Variants in SERPINI1 observed in about 807,000 individuals in gnomAD.
SERPINI1 encodes neuroserpin.
In SERPINI1, 19 loss-of-function variants were observed where a neutral mutation model predicts 41.1. The ratio of observed to expected loss-of-function variants is 0.46; its 90% CI spans 0.32 to 0.68. The LOEUF (loss-of-function observed/expected upper bound fraction) is 0.68, where lower values mean the gene tolerates loss of function less well. Among genes scored for constraint, SERPINI1 ranks in the 30% least tolerant of loss-of-function variants. The pLI, the probability that SERPINI1 is intolerant of heterozygous loss-of-function variation, is 0.03. For missense variants in SERPINI1, 460 were observed against 479.2 expected, an observed-to-expected ratio of 0.96 and a Z score of 0.37; for synonymous variants, 138 against 156.6, an observed-to-expected ratio of 0.88 and a Z score of 0.89.
chr3:167,813,624 T>C lies in SERPINI1; in HGVS notation c.979+6283T>C, dbSNP rs145770012. Among the ~76,000 whole-genome samples the C allele has an allele frequency of 3.6e-3, 548 of 152,290 alleles. 3 individuals carry two copies. The highest frequency in any genetic ancestry group is 6.2e-3 in the Non-Finnish European group (423 of 68,016). ...GACATTCCTCTTCCTTCCTAAATGG[T>C]TTACTTTTCCTTATGTGGAATCTGG... On this transcript the variant is annotated intron_variant, in intron 6 of 8. Coordinates refer to ENST00000446050, the MANE Select transcript of SERPINI1 (RefSeq NM_001122752.2).
At chr3:167,792,829 A>G (rs191476872) in intron 4 of SERPINI1, 45 bp downstream of exon 4, 21 of 1,464,944 alleles carry the variant, frequency 1.4e-5, no homozygotes, top group Admixed American at 1.2e-4. Flanking sequence ...GCAGAATATC[A>G]ACAGATTTCT....
intron 4 of SERPINI1, among the ~76,000 whole-genome samples, chr3:167,793,597 T>TA (rs1553774851): frequency 7.0e-5 from 4 of 57,552 alleles, no homozygotes; most frequent in Admixed American, 2.9e-4. Context: ...TATATATATA[T>TA]TTTTAATTAG....
chr3:167,777,857 G>T (rs750181013), intron 1 of SERPINI1, among the ~76,000 whole-genome samples: 1 of 152,200 alleles, frequency 6.6e-6, no homozygotes, highest in Non-Finnish European at 1.5e-5. Context: ...GGCTTTGGAG[G>T]TGATTGGGCT....
chr3:167,798,359 G>A (rs1727780060), intron 5 of SERPINI1, among the ~76,000 whole-genome samples: 1 of 152,046 alleles, frequency 6.6e-6, no homozygotes, highest in African/African-American at 2.4e-5. Flanking sequence ...GCATAGATAG[G>A]GAGGCTAAAT....
At chr3:167,814,142 T>C (rs767010677) in intron 6 of SERPINI1, among the ~76,000 whole-genome samples, 8 of 152,224 alleles carry the variant, frequency 5.3e-5, no homozygotes, top group Non-Finnish European at 1.0e-4. Context: ...AGCTTAGTTA[T>C]ACTTACTATA....
At chr3:167,782,687 G>A (rs1727176392) in intron 1 of SERPINI1, among the ~76,000 whole-genome samples, 1 of 152,134 alleles carries the variant, frequency 6.6e-6, no homozygotes, top group African/African-American at 2.4e-5. Context: ...CTATTGGAGA[G>A]GTAGAGATAA....
chr3:167,792,520 A>G (rs1727562403), intron 3 of SERPINI1, 70 bp from the exon 4 acceptor site: 2 of 1,333,674 alleles, frequency 1.5e-6, no homozygotes, highest in Admixed American at 1.9e-5. Flanking sequence ...TGGTGATTTG[A>G]AAATCTTCTG....
intron 6 of SERPINI1, among the ~76,000 whole-genome samples, chr3:167,815,350 C>T (rs1487846585): frequency 6.6e-6 from 1 of 151,746 alleles, no homozygotes; most frequent in African/African-American, 2.4e-5. Flanking sequence ...CTTTTTTTCC[C>T]CTTAGTACCT....
chr3:167,740,934 G>A (rs1725658855), intron 1 of SERPINI1, among the ~76,000 whole-genome samples: 1 of 152,126 alleles, frequency 6.6e-6, no homozygotes, highest in African/African-American at 2.4e-5. Flanking sequence ...GTAATATGAG[G>A]CCTTAACTAA....
intron 1 of SERPINI1, among the ~76,000 whole-genome samples, chr3:167,772,893 T>TATATATACACAC (rs1391850018): frequency 3.8e-5 from 2 of 52,238 alleles, no homozygotes; most frequent in African/African-American, 1.8e-4. Flanking sequence ...TATATATATA[T>TATATATACACAC]ACACACACAC....
chr3:167,768,476 A>G (rs1726636030), intron 1 of SERPINI1, among the ~76,000 whole-genome samples: 1 of 152,216 alleles, frequency 6.6e-6, no homozygotes, highest in African/African-American at 2.4e-5. Context: ...AATATCGCTG[A>G]GGTATGCCTG....
At chr3:167,736,784 G>C (rs984651283) in intron 1 of SERPINI1, among the ~76,000 whole-genome samples, 1 of 152,064 alleles carries the variant, frequency 6.6e-6, no homozygotes, top group Non-Finnish European at 1.5e-5. Context: ...TGTAATGCTG[G>C]GTAAAGATGA....
intron 6 of SERPINI1, among the ~76,000 whole-genome samples, chr3:167,820,541 C>T (rs1712280803): frequency 6.6e-6 from 1 of 152,224 alleles, no homozygotes; most frequent in Non-Finnish European, 1.5e-5. Flanking sequence ...CATGAGCTGG[C>T]CGGGTGTGCA....
intron 1 of SERPINI1, among the ~76,000 whole-genome samples, chr3:167,754,477 A>G (rs967024879): frequency 1.2e-4 from 18 of 152,224 alleles, no homozygotes; most frequent in Non-Finnish European, 2.5e-4. Context: ...AGATTCTATT[A>G]TCTGTGCTTT....
intron 1 of SERPINI1, among the ~76,000 whole-genome samples, chr3:167,785,727 T>C (rs1239567554): frequency 6.6e-6 from 1 of 152,224 alleles, no homozygotes; most frequent in Non-Finnish European, 1.5e-5. Flanking sequence ...GGGATCATAG[T>C]AGATTTTGCC....
intron 1 of SERPINI1, among the ~76,000 whole-genome samples, chr3:167,752,126 T>C (rs1460932776): frequency 2.0e-5 from 3 of 152,174 alleles, no homozygotes; most frequent in Non-Finnish European, 4.4e-5. Context: ...TCCTCCTAAG[T>C]CTTGCATGTG....
chr3:167,772,936 A>ATACATAT (rs1456999894), intron 1 of SERPINI1, among the ~76,000 whole-genome samples: 3 of 128,768 alleles, frequency 2.3e-5, no homozygotes, highest in Non-Finnish European at 4.8e-5. Flanking sequence ...ATATATACAT[A>ATACATAT]TACATATATA....
chr3:167,765,219 G>A (rs1363881050), intron 1 of SERPINI1, among the ~76,000 whole-genome samples: 1 of 152,238 alleles, frequency 6.6e-6, no homozygotes, highest in African/African-American at 2.4e-5. Context: ...CCCTAGCAGA[G>A]GTACTGCATG....
chr3:167,809,195 G>T (rs1711772052), intron 6 of SERPINI1, among the ~76,000 whole-genome samples: 1 of 152,166 alleles, frequency 6.6e-6, no homozygotes, highest in Non-Finnish European at 1.5e-5. Flanking sequence ...TGTGGTATCT[G>T]TACCTGAGTC....
Sources: allele counts gnomAD v4.1 joint callset (sites outside exome capture counted in the v4.1 genomes callset), GRCh38; gene constraint gnomAD v4.1.1; transcripts MANE v1.5; gene names NCBI Gene and HGNC (gene_info 2026-07-23, HGNC 2026-07-21).